ASCC2: variants seen among roughly 807,000 people sequenced by gnomAD.
ASCC2 encodes the protein ASC-1 complex subunit P100.
ASCC2 carries 42 observed loss-of-function variants against 93.5 expected under a neutral mutation model. The observed-to-expected ratio is 0.45, with a 90% CI of 0.35 to 0.58. The LOEUF (loss-of-function observed/expected upper bound fraction) is 0.58. Among genes scored for constraint, ASCC2 ranks in the 20% least tolerant of loss-of-function variants. The pLI is 0.00. For synonymous variants in ASCC2, 364 were observed against 384.2 expected (o/e 0.95, Z 0.62); for missense variants, 859 against 977.6 (o/e 0.88, Z 1.62).
At chr22:29,818,846 G>T (rs1308662196) in intron 5 of ASCC2, among the ~76,000 whole-genome samples, 1 of 151,928 alleles carries the variant, frequency 6.6e-6, no homozygotes, top group Non-Finnish European at 1.5e-5. Flanking sequence ...CCTTTTTCCT[G>T]CAACCAACAC....
At chr22:29,830,419 C>T (rs2062986033) in intron 2 of ASCC2, among the ~76,000 whole-genome samples, 1 of 152,220 alleles carries the variant, frequency 6.6e-6, no homozygotes, top group Non-Finnish European at 1.5e-5. Flanking sequence ...GTCAGGATCT[C>T]TCAAGACTCC....
chr22:29,835,180 C>T (rs925578385), intron 1 of ASCC2, among the ~76,000 whole-genome samples: 1 of 152,200 alleles, frequency 6.6e-6, no homozygotes, highest in African/African-American at 2.4e-5. Context: ...GAGGATTGCT[C>T]GAAGCCAGGA....
At chr22:29,816,759 C>A (rs1442459738) in intron 5 of ASCC2, 3 of 149,124 alleles carry the variant, frequency 2.0e-5, no homozygotes, top group African/African-American at 7.4e-5. Flanking sequence ...GGAACAGAAA[C>A]CAAGTGTTCC....
chr22:29,831,614 G>A (rs147624697), intron 2 of ASCC2, among the ~76,000 whole-genome samples: 1 of 152,308 alleles, frequency 6.6e-6, no homozygotes, highest in Non-Finnish European at 1.5e-5. Flanking sequence ...GTTCAAGTGA[G>A]CTCAAATTCT....
intron 7 of ASCC2, among the ~76,000 whole-genome samples, chr22:29,813,940 A>T (rs1352954845): frequency 6.6e-6 from 1 of 152,230 alleles, no homozygotes; most frequent in African/African-American, 2.4e-5. Flanking sequence ...AAGAGGGTAT[A>T]CAAAACACTT....
intron 4 of ASCC2, among the ~76,000 whole-genome samples, chr22:29,822,671 G>A (rs1299197156): frequency 4.3e-5 from 6 of 139,108 alleles, no homozygotes; most frequent in Admixed American, 7.3e-5. Flanking sequence ...TGTGTCTCTA[G>A]ACTAAACATC....
At chr22:29,818,812 C>G (rs966467742) in intron 5 of ASCC2, among the ~76,000 whole-genome samples, 3 of 152,158 alleles carry the variant, frequency 2.0e-5, no homozygotes, top group African/African-American at 7.2e-5. Flanking sequence ...CTACCCAAAG[C>G]TTCCTCTCCC....
intron 9 of ASCC2, among the ~76,000 whole-genome samples, chr22:29,807,251 A>AC (rs1569390493): frequency 6.6e-6 from 1 of 151,250 alleles, no homozygotes; most frequent in Non-Finnish European, 1.5e-5. Flanking sequence ...AAAAAAAAAA[A>AC]AAAAAAAAAG....
chr22:29,823,713 T>C (rs946098582), intron 4 of ASCC2, among the ~76,000 whole-genome samples: 9 of 152,146 alleles, frequency 5.9e-5, no homozygotes, highest in Non-Finnish European at 1.3e-4. Context: ...CTGGGAGTGG[T>C]GGCACATGCC....
At chr22:29,796,047 T>C (rs950507849) in intron 15 of ASCC2, among the ~76,000 whole-genome samples, 16 of 151,878 alleles carry the variant, frequency 1.1e-4, no homozygotes, top group African/African-American at 2.9e-4. Flanking sequence ...GCTATCTGCC[T>C]GGCAGCCAGG....
chr22:29,800,369 T>C (rs2058941007), intron 15 of ASCC2, among the ~76,000 whole-genome samples: 2 of 152,224 alleles, frequency 1.3e-5, no homozygotes, highest in South Asian at 4.1e-4. Flanking sequence ...GCTTGTTTGA[T>C]GAGTTGATTA....
rs774027408 is a variant in ASCC2 at position 29,831,110 on chromosome 22, T to G, written c.81+1135A>C. ...ATCTAGTTCCTCAGTCCACACTCACTATTCACATTACAAGTGCTTAATAGC... is the reference window on the plus strand; with the variant it reads ...ATCTAGTTCCTCAGTCCACACTCACGATTCACATTACAAGTGCTTAATAGC... On this transcript the variant is annotated intron_variant, in intron 2 of 19. Transcript: ENST00000307790. 3.0e-4 allele frequency among the ~76,000 whole-genome samples: 46 copies of G among 152,256 alleles called. 1 individual carries two copies. The highest frequency in any genetic ancestry group is 2.3e-3 in the Admixed American group (35 of 15,284).
At chr22:29,832,843 C>G (rs2063327892) in intron 1 of ASCC2, among the ~76,000 whole-genome samples, 1 of 151,890 alleles carries the variant, frequency 6.6e-6, no homozygotes, top group Non-Finnish European at 1.5e-5. Context: ...TGAGCTAAAG[C>G]AATCCTCCCA....
intron 9 of ASCC2, 56 bp from the exon 10 acceptor site, chr22:29,806,960 C>T: frequency 7.2e-7 from 1 of 1,392,270 alleles, no homozygotes; most frequent in Non-Finnish European, 1.0e-6. Flanking sequence ...CCTGAGGGGC[C>T]AGGTGCAGTG....
At chr22:29,802,336 T>C (rs2059183040) in intron 13 of ASCC2, 128 bp from the exon 14 acceptor site, 2 of 878,340 alleles carry the variant, frequency 2.3e-6, no homozygotes, top group African/African-American at 3.4e-5. Flanking sequence ...CTCCTGCCTG[T>C]GGGAACTTTG....
chr22:29,827,054 C>T (rs1329430193), intron 2 of ASCC2, among the ~76,000 whole-genome samples: 7 of 145,074 alleles, frequency 4.8e-5, no homozygotes, highest in African/African-American at 1.6e-4. Flanking sequence ...ACCGAGATCA[C>T]GCCACTGCAC....
rs142478136 is a variant in ASCC2 at position 29,805,169 on chromosome 22, C to T, written c.1161-339G>A. 3.3e-3 allele frequency among the ~76,000 whole-genome samples: 503 copies of T among 152,310 alleles called. 3 individuals are homozygous for T. The highest frequency in any genetic ancestry group is 0.012 in the African/African-American group (487 of 41,566). On this transcript the variant is annotated intron_variant, in intron 12 of 19. Coordinates refer to ENST00000307790, the MANE Select transcript of ASCC2 (RefSeq NM_032204.5). Reference sequence around the variant, plus strand: ...GAGGAGGGCGTGGTAGGGCCACTGCCACTGGGCTTCCTGTCCAACCAGCTG... The same window carrying T: ...GAGGAGGGCGTGGTAGGGCCACTGCTACTGGGCTTCCTGTCCAACCAGCTG...
intron 8 of ASCC2, among the ~76,000 whole-genome samples, chr22:29,811,861 T>C (rs1033711334): frequency 6.6e-6 from 1 of 152,204 alleles, no homozygotes; most frequent in Non-Finnish European, 1.5e-5. Context: ...TAAGCGAAAA[T>C]ATGCAAGGTA....
At chr22:29,827,598 A>C (rs1350758314) in intron 2 of ASCC2, 1 of 470,838 alleles carries the variant, frequency 2.1e-6, no homozygotes, top group South Asian at 1.5e-5. Flanking sequence ...TACAGGTACA[A>C]ATCTGTTGAA....
Sources: allele counts gnomAD v4.1 joint callset (sites outside exome capture counted in the v4.1 genomes callset), GRCh38; gene constraint gnomAD v4.1.1; transcripts MANE v1.5; gene names NCBI Gene and HGNC (gene_info 2026-07-23, HGNC 2026-07-21).